The following MAPT variants were observed in gnomAD, a reference collection of about 807,000 sequenced individuals.
The protein encoded by MAPT is microtubule-associated protein tau.
MAPT carries 34 observed loss-of-function variants against 67.9 expected under a neutral mutation model. That is an observed-to-expected ratio of 0.50 (90% CI 0.38 to 0.67). The LOEUF (loss-of-function observed/expected upper bound fraction) is 0.67, where lower values mean the gene tolerates loss of function less well. Ranked by LOEUF, MAPT falls within the 30% of genes least tolerant of loss-of-function variation. MAPT has a pLI of 0.00. For missense variants in MAPT, 881 were observed against 1,115.2 expected, an observed-to-expected ratio of 0.79 and a Z score of 2.99; for synonymous variants, 456 against 464.5, an observed-to-expected ratio of 0.98 and a Z score of 0.23.
intron 1 of MAPT, among the ~76,000 whole-genome samples, chr17:45,946,107 G>GT (rs1225497243): frequency 6.6e-6 from 1 of 151,734 alleles, no homozygotes; most frequent in Admixed American, 6.6e-5. Context: ...AAGAAAGACA[G>GT]TTTTTTTTGC....
chr17:45,917,929 T>A (rs1354153711), intron 1 of MAPT, among the ~76,000 whole-genome samples: 2 of 152,270 alleles, frequency 1.3e-5, no homozygotes, highest in East Asian at 3.9e-4. Flanking sequence ...CGCACCACCA[T>A]GCCCGACTAA....
chr17:45,949,730 C>T (rs979358009), intron 1 of MAPT, among the ~76,000 whole-genome samples: 1 of 151,998 alleles, frequency 6.6e-6, no homozygotes, highest in African/African-American at 2.4e-5. Flanking sequence ...TTGACTGGTC[C>T]CCCTCCCTTG....
At chr17:45,991,242 T>A (rs905680269) in intron 7 of MAPT, among the ~76,000 whole-genome samples, 1 of 152,110 alleles carries the variant, frequency 6.6e-6, no homozygotes, top group Non-Finnish European at 1.5e-5. Flanking sequence ...TGGGAGGAAA[T>A]GTCCTCAGGG....
intron 9 of MAPT, among the ~76,000 whole-genome samples, chr17:46,007,540 T>C (rs2075536350): frequency 6.6e-6 from 1 of 151,898 alleles, no homozygotes; most frequent in Admixed American, 6.6e-5. Context: ...TGTAAATATG[T>C]GCATGTTAGA....
In MAPT at chr17:45,985,185, G is replaced by A. The variant is rs557025873; in HGVS notation, c.1351+1255G>A. ...CTGGGCGTGGTGGCGGGCACCTGTA[G>A]TCCCAGCTACTGGGGAGGCTGAAGC... On this transcript the variant is annotated intron_variant, in intron 5 of 12. Coordinates refer to ENST00000262410, the MANE Select transcript of MAPT (RefSeq NM_001377265.1). Among the ~76,000 whole-genome samples the A allele has an allele frequency of 1.4e-4, 22 of 152,202 alleles. No individual in the cohort carries two copies. In the East Asian group the frequency reaches 3.3e-3, roughly 23 times the overall value.
chr17:45,921,235 G>A (rs1165238748), intron 1 of MAPT, among the ~76,000 whole-genome samples: 1 of 152,170 alleles, frequency 6.6e-6, no homozygotes, highest in African/African-American at 2.4e-5. Flanking sequence ...CTGGTGCAGG[G>A]CAGACCGTGG....
At position 45,921,332 on chromosome 17, in the gene MAPT, T is replaced by C. The variant is rs139238705; in HGVS notation, c.-18+26646T>C. On this transcript the variant is annotated intron_variant, in intron 1 of 12. Transcript: ENST00000262410. ...CCCAGACCTGGTGTCCTGGCACCCA[T>C]TGGGCAAGTGGGTCCTAGAAGACAA... 2.0e-3 allele frequency among the ~76,000 whole-genome samples: 312 copies of C among 152,308 alleles called. 2 individuals carry two copies. The highest frequency in any genetic ancestry group is 6.9e-3 in the African/African-American group (287 of 41,564).
At position 46,023,971 on chromosome 17, in the gene MAPT, C is replaced by T. The variant is rs1598425089; in HGVS notation, c.2302C>T (p.Leu768=). Residue 768 remains leucine, a synonymous_variant, in exon 13 of 13, where the codon CTG becomes TTG. Coordinates refer to ENST00000262410, the MANE Select transcript of MAPT (RefSeq NM_001377265.1). The part of the protein sequence containing the change: ...GGNKKIETHK[L]TFRENAKAKT... Reference sequence around the variant, plus strand: ...CTTCTTGCAGATTGAAACCCACAAGCTGACCTTCCGCGAGAACGCCAAAGC... The same window carrying T: ...CTTCTTGCAGATTGAAACCCACAAGTTGACCTTCCGCGAGAACGCCAAAGC... 3 of 1,614,094 alleles carry T rather than the reference C, an allele frequency of 1.9e-6. No individual in the cohort carries two copies. The East Asian group carries it at 6.7e-5, about 36-fold the overall frequency.
At chr17:45,954,776 C>T (rs929514172) in intron 1 of MAPT, among the ~76,000 whole-genome samples, 1 of 151,900 alleles carries the variant, frequency 6.6e-6, no homozygotes, top group Non-Finnish European at 1.5e-5. Context: ...GCCAGGAGAT[C>T]GAGACCATCT....
At chr17:46,014,362 G>A (rs777034639) in intron 11 of MAPT, 38 bp downstream of exon 11, 1 of 1,437,190 alleles carries the variant, frequency 7.0e-7, no homozygotes, top group South Asian at 1.1e-5. Context: ...ACGGGAGGGT[G>A]CAGGGGGTGG....
chr17:46,015,971 T>C (rs2076152122), intron 11 of MAPT, among the ~76,000 whole-genome samples: 1 of 152,110 alleles, frequency 6.6e-6, no homozygotes, highest in Non-Finnish European at 1.5e-5. Context: ...AGACTCGAGG[T>C]TCAGCTATAT....
Position 46,024,628 on chromosome 17 carries a change from T to G in MAPT, c.*457T>G. On this transcript the variant is annotated 3_prime_UTR_variant, in exon 13 of 13. Coordinates refer to ENST00000262410, the MANE Select transcript of MAPT (RefSeq NM_001377265.1). Reference sequence around the variant, plus strand: ...CAGCAACAAAGGATTTGAAACTTGGTGTGTTCGTGGAGCCACAGGCAGACG... The same window carrying G: ...CAGCAACAAAGGATTTGAAACTTGGGGTGTTCGTGGAGCCACAGGCAGACG... 4.1e-6 allele frequency: 1 copy of G among 245,114 alleles called. No individual in the cohort carries two copies. The highest frequency in any genetic ancestry group is 8.0e-6 in the Non-Finnish European group (1 of 125,508). The allele number at this position is 245,114 out of a possible 1,614,324, so 15.2% of individuals were successfully genotyped here.
rs2076777755 is a variant in MAPT at position 46,025,706 on chromosome 17, T to C, written c.*1535T>C. 1 of 152,522 alleles carries C rather than the reference T, an allele frequency of 6.6e-6. No homozygotes were observed. Among genetic ancestry groups the C allele is most frequent in the African/African-American group, 2.4e-5 (1 of 41,478 alleles). 9.4% of individuals were successfully genotyped at this position (152,522 alleles called of 1,614,324 possible). The stretch of plus-strand genomic sequence containing the variant: ...GAGAAGGCCTGGCCCCTTCCTGTGC[T>C]GAGCCCACAGCAGCAGGCTGGGTGT... On this transcript the variant is annotated 3_prime_UTR_variant, in exon 13 of 13. Transcript: ENST00000262410.
intron 9 of MAPT, among the ~76,000 whole-genome samples, chr17:46,007,011 T>C (rs2075491099): frequency 2.0e-5 from 3 of 150,512 alleles, no homozygotes; most frequent in African/African-American, 7.3e-5. Context: ...ATAATTGGAA[T>C]GTTTATAACA....
At chr17:45,950,168 C>T (rs917372591) in intron 1 of MAPT, among the ~76,000 whole-genome samples, 20 of 152,148 alleles carry the variant, frequency 1.3e-4, no homozygotes, top group African/African-American at 4.8e-4. Flanking sequence ...ATCCTGCCCA[C>T]CTCACAGGTT....
Position 45,971,787 on chromosome 17 carries a change from A to G in MAPT, c.134-72A>G. The G allele has an allele frequency of 9.3e-7, 1 of 1,075,370 alleles. No homozygotes were observed. The highest frequency in any genetic ancestry group is 1.4e-6 in the Non-Finnish European group (1 of 691,214). 66.6% of individuals were successfully genotyped at this position (1,075,370 alleles called of 1,614,324 possible). On this transcript the variant is annotated intron_variant, in intron 2 of 12. Coordinates refer to ENST00000262410, the MANE Select transcript of MAPT (RefSeq NM_001377265.1). This position sits in a 1 kb window ranked among gnomAD's most constrained non-coding sequence, Gnocchi z 4.3. ...TCAGCTCCACAGGACACTGCTCCCCAGTTCCTCCTGAGAACAAAAGGGGGC... is the reference window on the plus strand; with the variant it reads ...TCAGCTCCACAGGACACTGCTCCCCGGTTCCTCCTGAGAACAAAAGGGGGC...
intron 2 of MAPT, among the ~76,000 whole-genome samples, chr17:45,963,058 G>T (rs1177650045): frequency 1.3e-5 from 2 of 152,198 alleles, no homozygotes; most frequent in African/African-American, 4.8e-5. Flanking sequence ...AGCCACACCT[G>T]TTAGCTTATA....
chr17:45,983,572 C>T lies in MAPT; in HGVS notation c.993C>T (p.Ile331=). The T allele has an allele frequency of 1.9e-6, 3 of 1,613,210 alleles. No homozygotes were observed. The highest frequency in any genetic ancestry group is 1.1e-5 in the South Asian group (1 of 91,088). ...CAGCCGCCAGAGAAGCCACCAGCAT[C>T]CCAGGCTTCCCAGCGGAGGGTGCCA... The part of the protein sequence containing the change: ...PQTAAREATS[I]PGFPAEGAIP... The change falls in exon 5 of 13, where the codon ATC becomes ATT. Residue 331 remains isoleucine, a synonymous_variant. Coordinates refer to ENST00000262410, the MANE Select transcript of MAPT (RefSeq NM_001377265.1).
At chr17:45,970,420 G>A (rs139600791) in intron 2 of MAPT, among the ~76,000 whole-genome samples, 21 of 152,134 alleles carry the variant, frequency 1.4e-4, no homozygotes, top group East Asian at 1.3e-3. Flanking sequence ...CCATCCGTCC[G>A]TCCACCCATC....
Sources: allele counts gnomAD v4.1 joint callset (sites outside exome capture counted in the v4.1 genomes callset), GRCh38; gene constraint gnomAD v4.1.1; non-coding constraint Gnocchi (gnomAD v3.1); transcripts MANE v1.5; gene names NCBI Gene and HGNC (gene_info 2026-07-23, HGNC 2026-07-21).